The following ARMH3 variants were observed in gnomAD, a reference collection of about 807,000 sequenced individuals.
The protein encoded by ARMH3 is armadillo like helical domain containing 3, also known as armadillo-like helical domain-containing protein 3.
A neutral mutation model predicts 99.1 loss-of-function variants in ARMH3; 60 were observed. The observed-to-expected ratio is 0.61, with a 90% CI of 0.49 to 0.75. The LOEUF (loss-of-function observed/expected upper bound fraction) is 0.75. Ranked by LOEUF, ARMH3 falls within the 30% of genes least tolerant of loss-of-function variation. The pLI, the probability that ARMH3 is intolerant of heterozygous loss-of-function variation, is 0.00. For synonymous variants in ARMH3, 285 were observed against 292.8 expected (o/e 0.97, Z 0.27); for missense variants, 679 against 843.1 (o/e 0.81, Z 2.41).
chr10:101,894,156 T>G (rs1395703120), intron 23 of ARMH3, among the ~76,000 whole-genome samples: 1 of 152,206 alleles, frequency 6.6e-6, no homozygotes, highest in Non-Finnish European at 1.5e-5. Flanking sequence ...CTTATGTTTT[T>G]TTTGCTGTTT....
At chr10:101,990,381 C>T (rs1846733980) in intron 19 of ARMH3, among the ~76,000 whole-genome samples, 170 bp downstream of exon 19, 2 of 152,044 alleles carry the variant, frequency 1.3e-5, no homozygotes, top group South Asian at 4.1e-4. Context: ...GACGGGGTTT[C>T]ACCGTGGTCT....
intron 20 of ARMH3, among the ~76,000 whole-genome samples, chr10:101,974,999 A>C (rs1405375133): frequency 6.6e-6 from 1 of 150,896 alleles, no homozygotes; most frequent in Non-Finnish European, 1.5e-5. Flanking sequence ...GACAAAGTAA[A>C]GAATAGACAT....
At chr10:102,020,399 G>A (rs564681891) in intron 8 of ARMH3, among the ~76,000 whole-genome samples, 38 of 151,974 alleles carry the variant, frequency 2.5e-4, no homozygotes, top group African/African-American at 9.2e-4. Flanking sequence ...GAGCACGGCC[G>A]GGCGCGGTGG....
At chr10:102,030,523 A>G (rs1189309312) in intron 4 of ARMH3, among the ~76,000 whole-genome samples, 1 of 152,118 alleles carries the variant, frequency 6.6e-6, no homozygotes, top group Non-Finnish European at 1.5e-5. Context: ...AGCTTGGCCA[A>G]CATGGTGAAA....
chr10:102,005,669 A>G (rs1235217996), intron 14 of ARMH3, among the ~76,000 whole-genome samples: 1 of 152,238 alleles, frequency 6.6e-6, no homozygotes, highest in Non-Finnish European at 1.5e-5. Flanking sequence ...GAGCTACAAC[A>G]TCAAATATTA....
At chr10:101,987,158 T>G (rs1287487965) in intron 19 of ARMH3, among the ~76,000 whole-genome samples, 1 of 152,118 alleles carries the variant, frequency 6.6e-6, no homozygotes, top group Non-Finnish European at 1.5e-5. Flanking sequence ...TTCCTCATCA[T>G]CCACTTAATC....
chr10:101,982,253 G>C (rs1274598425), intron 19 of ARMH3, among the ~76,000 whole-genome samples: 2 of 151,726 alleles, frequency 1.3e-5, no homozygotes, highest in Non-Finnish European at 2.9e-5. Flanking sequence ...AGGAGTGGTA[G>C]TGCAGGCCTG....
chr10:101,997,757 T>C (rs1300942508), intron 15 of ARMH3, among the ~76,000 whole-genome samples: 5 of 152,132 alleles, frequency 3.3e-5, no homozygotes, highest in African/African-American at 9.7e-5. Flanking sequence ...ATTATAGTTA[T>C]TATAAACTTT....
intron 19 of ARMH3, among the ~76,000 whole-genome samples, chr10:101,977,463 C>G (rs950151745): frequency 6.6e-6 from 1 of 151,998 alleles, no homozygotes; most frequent in Non-Finnish European, 1.5e-5. Context: ...AAATGGCAAA[C>G]TACATGGGAA....
At chr10:102,043,022 A>C (rs2067460506) in intron 1 of ARMH3, among the ~76,000 whole-genome samples, 1 of 152,222 alleles carries the variant, frequency 6.6e-6, no homozygotes. Context: ...CGGTGAGACG[A>C]GATTGCGCCA....
At chr10:101,906,730 C>A (rs997202840) in intron 23 of ARMH3, among the ~76,000 whole-genome samples, 2 of 152,114 alleles carry the variant, frequency 1.3e-5, no homozygotes, top group African/African-American at 2.4e-5. Context: ...AAGGCATTTT[C>A]TTTGGAATGT....
intron 1 of ARMH3, among the ~76,000 whole-genome samples, chr10:102,046,321 GAGAAAGAGAAA>G (rs1564883350): frequency 6.8e-6 from 1 of 148,148 alleles, no homozygotes; most frequent in Non-Finnish European, 1.5e-5. Flanking sequence ...AGAAAAGAGA[GAGAAAGAGAAA>G]AGAGAAAAAG....
At chr10:101,935,962 T>C (rs1389493974) in intron 23 of ARMH3, among the ~76,000 whole-genome samples, 2 of 152,134 alleles carry the variant, frequency 1.3e-5, no homozygotes, top group Non-Finnish European at 2.9e-5. Context: ...GAAAGTAGTG[T>C]CATGGGTATA....
At chr10:101,891,119 CCCT>C (rs1460121859) in intron 23 of ARMH3, among the ~76,000 whole-genome samples, 16 of 152,054 alleles carry the variant, frequency 1.1e-4, no homozygotes, top group Admixed American at 1.0e-3. Flanking sequence ...AGGCAGTCCT[CCCT>C]CCTCACCTCC....
At chr10:102,040,859 C>T (rs532822804) in intron 1 of ARMH3, among the ~76,000 whole-genome samples, 1 of 152,078 alleles carries the variant, frequency 6.6e-6, no homozygotes, top group South Asian at 2.1e-4. Flanking sequence ...GTGCTGCAGA[C>T]TGATGTGCTT....
chr10:101,948,486 G>C lies in ARMH3; in HGVS notation c.1705+8111C>G, dbSNP rs1416543611. 2.6e-5 allele frequency among the ~76,000 whole-genome samples: 4 copies of C among 152,054 alleles called. No individual in the cohort carries two copies. In the East Asian group the frequency reaches 7.7e-4, roughly 29 times the overall value. ...TTAAAGTCAGACAAAACAGAATTCA[G>C]AACAAGGAATACTACCTGGGTGAAG... On this transcript the variant is annotated intron_variant, in intron 22 of 25. Transcript: ENST00000370033.
chr10:101,893,548 G>A (rs1158059193), intron 23 of ARMH3, among the ~76,000 whole-genome samples: 3 of 152,078 alleles, frequency 2.0e-5, no homozygotes. Context: ...GCAACCCAGT[G>A]GAGCTAGTGA....
chr10:101,995,423 C>A, intron 15 of ARMH3, 68 bp from the exon 16 acceptor site: 1 of 1,298,014 alleles, frequency 7.7e-7, no homozygotes, highest in South Asian at 1.2e-5. Context: ...CAATACAGAA[C>A]AAGGACGTAT....
chr10:101,959,451 CG>C (rs1316447794), intron 20 of ARMH3, among the ~76,000 whole-genome samples: 2 of 152,180 alleles, frequency 1.3e-5, no homozygotes, highest in African/African-American at 4.8e-5. Context: ...CTCTGCAAAA[CG>C]TAATGGCTAG....
Sources: allele counts gnomAD v4.1 joint callset (sites outside exome capture counted in the v4.1 genomes callset), GRCh38; gene constraint gnomAD v4.1.1; transcripts MANE v1.5; gene names NCBI Gene and HGNC (gene_info 2026-07-23, HGNC 2026-07-21).